NR2F1-AS1: variants seen among roughly 807,000 people sequenced by gnomAD.
The protein encoded by NR2F1-AS1 is NR2F1 regulatory antisense RNA 1, also known as NR2F1 antisense RNA 1.
At chr5:93,503,981 T>G (rs1228616665) in intron 4 of NR2F1-AS1, among the ~76,000 whole-genome samples, 1 of 152,216 alleles carries the variant, frequency 6.6e-6, no homozygotes, top group Non-Finnish European at 1.5e-5. Context: ...TAGGAATTCC[T>G]AAGACAGTGG....
intron 4 of NR2F1-AS1, among the ~76,000 whole-genome samples, chr5:93,487,191 T>A (rs1286935162): frequency 3.3e-5 from 5 of 152,012 alleles, no homozygotes; most frequent in African/African-American, 1.2e-4. Flanking sequence ...CGGCACAAGA[T>A]AAGGATACCC....
At chr5:93,565,450 G>T (rs2149923068) in intron 1 of NR2F1-AS1, among the ~76,000 whole-genome samples, 1 of 151,956 alleles carries the variant, frequency 6.6e-6, no homozygotes, top group South Asian at 2.1e-4. Context: ...CAAATTTTTA[G>T]AACATGTAAA....
intron 4 of NR2F1-AS1, chr5:93,543,235 G>A (rs1751995273): frequency 6.6e-6 from 1 of 152,148 alleles, no homozygotes; most frequent in Non-Finnish European, 1.5e-5. Flanking sequence ...AGGAAACAAA[G>A]CAACATGGGC....
At chr5:93,466,427 C>G (rs745344369) in intron 4 of NR2F1-AS1, among the ~76,000 whole-genome samples, 7 of 151,908 alleles carry the variant, frequency 4.6e-5, no homozygotes, top group Non-Finnish European at 8.8e-5. Context: ...ACCTCCACCT[C>G]CTGGGTTCAA....
intron 4 of NR2F1-AS1, chr5:93,410,544 A>AG (rs1748833025): frequency 6.6e-6 from 1 of 152,212 alleles, no homozygotes; most frequent in Admixed American, 6.5e-5. Context: ...TGTGCATGTG[A>AG]GGGATCTAGG....
chr5:93,565,580 G>A (rs921303520), intron 1 of NR2F1-AS1, among the ~76,000 whole-genome samples: 6 of 151,856 alleles, frequency 4.0e-5, no homozygotes, highest in African/African-American at 1.2e-4. Context: ...TTTATTTCTC[G>A]AACTGGGTTT....
At chr5:93,447,978 T>C (rs1258944398) in intron 4 of NR2F1-AS1, among the ~76,000 whole-genome samples, 1 of 152,004 alleles carries the variant, frequency 6.6e-6, no homozygotes, top group Non-Finnish European at 1.5e-5. Context: ...ATGTTCTCAC[T>C]CATAGGTGGG....
intron 4 of NR2F1-AS1, among the ~76,000 whole-genome samples, chr5:93,525,576 G>A (rs1751595297): frequency 6.6e-6 from 1 of 152,072 alleles, no homozygotes. Context: ...GCACCACATT[G>A]CATTTATTCT....
chr5:93,417,794 T>C (rs928447623), intron 4 of NR2F1-AS1, among the ~76,000 whole-genome samples: 2 of 152,210 alleles, frequency 1.3e-5, no homozygotes, highest in Admixed American at 6.5e-5. Flanking sequence ...GTACAAGATA[T>C]GACAGTGAAT....
At chr5:93,481,573 A>G (rs1459658244) in intron 4 of NR2F1-AS1, among the ~76,000 whole-genome samples, 4 of 152,238 alleles carry the variant, frequency 2.6e-5, no homozygotes, top group East Asian at 3.9e-4. Context: ...ACAGACATAT[A>G]CAGAACACTC....
intron 4 of NR2F1-AS1, among the ~76,000 whole-genome samples, chr5:93,535,178 G>C (rs570174816): frequency 6.6e-6 from 1 of 151,688 alleles, no homozygotes; most frequent in African/African-American, 2.4e-5. Flanking sequence ...AGGAATAAAG[G>C]TCGTACCTTT....
intron 4 of NR2F1-AS1, among the ~76,000 whole-genome samples, chr5:93,512,805 T>A (rs1441062616): frequency 1.3e-5 from 2 of 152,210 alleles, no homozygotes; most frequent in African/African-American, 4.8e-5. Context: ...TGTACAGGTT[T>A]GTAGTCTAGG....
rs1209961321 is a variant in NR2F1-AS1 at position 93,579,940 on chromosome 5, A to C, written n.313+527T>G. ...GACAGGCAGCCATCGATCGCGTTAC[A>C]TTAGGGGATGGCGTTACAAACGGCG... On this transcript the variant is annotated intron_variant and non_coding_transcript_variant, in intron 1 of 5. Coordinates refer to ENST00000660523, the Ensembl canonical transcript of NR2F1-AS1. This position sits in a 1 kb window ranked among gnomAD's most constrained non-coding sequence, Gnocchi z 5.1. Among the ~76,000 whole-genome samples the C allele has an allele frequency of 6.6e-6, 1 of 152,176 alleles. No individual in the cohort carries two copies. The highest frequency in any genetic ancestry group is 1.5e-5 in the Non-Finnish European group (1 of 68,024).
intron 4 of NR2F1-AS1, among the ~76,000 whole-genome samples, chr5:93,459,669 T>C (rs1750047020): frequency 6.6e-6 from 1 of 152,178 alleles, no homozygotes; most frequent in South Asian, 2.1e-4. Flanking sequence ...GCCAATCTTT[T>C]CCCCTAATTG....
In NR2F1-AS1 at chr5:93,459,163, T is replaced by A. The variant is rs369033380; in HGVS notation, n.639-63621A>T. On this transcript the variant is annotated intron_variant and non_coding_transcript_variant, in intron 4 of 5. Coordinates refer to ENST00000660523, the Ensembl canonical transcript of NR2F1-AS1. ...AAGACAATAACTCAATTTTTTAAAA[T>A]AGACAAGCTTTAAAGCTTATCTATT... Among the ~76,000 whole-genome samples the A allele has an allele frequency of 4.6e-5, 7 of 152,236 alleles. No individual in the cohort carries two copies. The South Asian group carries it at 1.2e-3, about 27-fold the overall frequency.
chr5:93,527,239 T>C (rs576436252), intron 4 of NR2F1-AS1, among the ~76,000 whole-genome samples: 1 of 152,274 alleles, frequency 6.6e-6, no homozygotes, highest in African/African-American at 2.4e-5. Context: ...TGAACTCCCA[T>C]TCACAATTGC....
chr5:93,534,744 C>A (rs897328896), intron 4 of NR2F1-AS1, among the ~76,000 whole-genome samples: 1 of 152,144 alleles, frequency 6.6e-6, no homozygotes, highest in East Asian at 1.9e-4. Context: ...AAGTAAATTA[C>A]GATCCAGCCG....
intron 4 of NR2F1-AS1, among the ~76,000 whole-genome samples, chr5:93,480,272 A>G (rs983264166): frequency 1.3e-5 from 2 of 152,164 alleles, no homozygotes; most frequent in African/African-American, 2.4e-5. Context: ...TCAGCAAGAG[A>G]GAAGGGATTT....
intron 4 of NR2F1-AS1, among the ~76,000 whole-genome samples, chr5:93,493,809 G>A (rs569985844): frequency 6.6e-6 from 1 of 151,804 alleles, no homozygotes; most frequent in East Asian, 1.9e-4. Flanking sequence ...AATAAAGTTG[G>A]ACTCCTACCT....
Sources: allele counts gnomAD v4.1 joint callset (sites outside exome capture counted in the v4.1 genomes callset), GRCh38; gene constraint gnomAD v4.1.1; non-coding constraint Gnocchi (gnomAD v3.1); transcripts MANE v1.5; gene names NCBI Gene and HGNC (gene_info 2026-07-23, HGNC 2026-07-21).